Variants in CHST9 observed in about 807,000 individuals in gnomAD.
CHST9 encodes carbohydrate sulfotransferase 9.
CHST9 carries 41 observed loss-of-function variants against 44.4 expected under a neutral mutation model. The observed-to-expected ratio is 0.92, with a 90% CI of 0.72 to 1.20. The LOEUF is 1.20. Ranked by LOEUF, CHST9 falls within the 50% of genes most tolerant of loss-of-function variation. The pLI is 0.00. For synonymous variants in CHST9, 171 were observed against 178.4 expected, an observed-to-expected ratio of 0.96 and a Z score of 0.33; for missense variants, 504 against 516.5, an observed-to-expected ratio of 0.98 and a Z score of 0.23.
At chr18:27,079,190 T>C (rs913316607) in intron 2 of CHST9, among the ~76,000 whole-genome samples, 9 of 152,206 alleles carry the variant, frequency 5.9e-5, no homozygotes, top group African/African-American at 1.9e-4. Flanking sequence ...ATGGACTTTC[T>C]TCTTTGAAAA....
intron 1 of CHST9, among the ~76,000 whole-genome samples, chr18:27,158,956 G>A (rs2058721787): frequency 6.6e-6 from 1 of 152,148 alleles, no homozygotes; most frequent in Non-Finnish European, 1.5e-5. Context: ...TGATGGGGCT[G>A]TTTGTTTTTT....
intron 3 of CHST9, among the ~76,000 whole-genome samples, chr18:27,027,500 T>C (rs999969150): frequency 3.9e-5 from 6 of 152,234 alleles, no homozygotes; most frequent in Non-Finnish European, 8.8e-5. Context: ...GAAAGATTGA[T>C]TTGGTCTCAC....
chr18:27,122,366 G>A lies in CHST9; in HGVS notation c.121+20323C>T, dbSNP rs546728827. Among the ~76,000 whole-genome samples, 43 of 152,186 alleles carry A rather than the reference G, an allele frequency of 2.8e-4. No individual in the cohort carries two copies. In the South Asian group the frequency reaches 8.7e-3, roughly 31 times the overall value. Reference sequence around the variant, plus strand: ...TCTTACATTAAAGCTTTATAATATTGCATTCTATTGTGAGTAGACCTCTAT... The same window carrying A: ...TCTTACATTAAAGCTTTATAATATTACATTCTATTGTGAGTAGACCTCTAT... On this transcript the variant is annotated intron_variant, in intron 2 of 5. Coordinates refer to ENST00000618847, the MANE Select transcript of CHST9 (RefSeq NM_031422.6).
At chr18:27,061,185 C>T (rs1428363240) in intron 2 of CHST9, among the ~76,000 whole-genome samples, 3 of 152,086 alleles carry the variant, frequency 2.0e-5, no homozygotes, top group African/African-American at 4.8e-5. Flanking sequence ...GAACACACCC[C>T]AAGGATGAAG....
chr18:26,975,494 A>T (rs1318998566), intron 4 of CHST9, among the ~76,000 whole-genome samples: 3 of 151,744 alleles, frequency 2.0e-5, no homozygotes, highest in African/African-American at 7.3e-5. Context: ...TGCACACATT[A>T]TTTAGCTCCC....
chr18:27,180,041 T>C (rs1488224137), intron 1 of CHST9, among the ~76,000 whole-genome samples: 1 of 152,160 alleles, frequency 6.6e-6, no homozygotes, highest in Non-Finnish European at 1.5e-5. Context: ...TAAAATTTTC[T>C]CCACTCCAAG....
intron 2 of CHST9, among the ~76,000 whole-genome samples, chr18:27,067,198 G>A (rs896802277): frequency 6.6e-6 from 1 of 151,868 alleles, no homozygotes; most frequent in African/African-American, 2.4e-5. Context: ...TAACTTGGCT[G>A]GTAAACTGCA....
At chr18:27,029,213 G>A (rs1233711097) in intron 3 of CHST9, among the ~76,000 whole-genome samples, 1 of 152,118 alleles carries the variant, frequency 6.6e-6, no homozygotes, top group Non-Finnish European at 1.5e-5. Context: ...TTAGAAAAAA[G>A]ACAATTCTTG....
chr18:26,947,899 A>C (rs918113598), intron 4 of CHST9, among the ~76,000 whole-genome samples: 1 of 152,230 alleles, frequency 6.6e-6, no homozygotes, highest in African/African-American at 2.4e-5. Context: ...ATTACTGGAT[A>C]TATACCCAAA....
intron 2 of CHST9, among the ~76,000 whole-genome samples, chr18:27,091,826 T>G (rs1020110350): frequency 6.6e-6 from 1 of 152,236 alleles, no homozygotes; most frequent in South Asian, 2.1e-4. Flanking sequence ...AGCTTTTTGA[T>G]GTGCTGCTGG....
chr18:27,110,403 A>G (rs775202978), intron 2 of CHST9, among the ~76,000 whole-genome samples: 35 of 152,072 alleles, frequency 2.3e-4, no homozygotes, highest in Non-Finnish European at 7.4e-5. Context: ...TCTAACTCAA[A>G]CTGGCTAAAA....
At chr18:27,073,045 C>T (rs1297414804) in intron 2 of CHST9, among the ~76,000 whole-genome samples, 1 of 152,134 alleles carries the variant, frequency 6.6e-6, no homozygotes, top group African/African-American at 2.4e-5. Context: ...GGCTAAATCA[C>T]CAAGTGACTA....
Position 27,148,054 on chromosome 18 carries a change from T to C in CHST9, c.-96-5149A>G, listed in dbSNP as rs369142770. On this transcript the variant is annotated intron_variant, in intron 1 of 5. Transcript: ENST00000618847. The stretch of plus-strand genomic sequence containing the variant: ...TGATAGGCTCCAGTGTCTGCTGTTC[T>C]CCTCTATGTGTCCACATGTTCTCAT... Among the ~76,000 whole-genome samples, 63 of 152,118 alleles carry C rather than the reference T, an allele frequency of 4.1e-4. No homozygotes were observed. In the South Asian group the frequency reaches 0.012, roughly 30 times the overall value.
chr18:27,046,713 A>G (rs2057504913), intron 3 of CHST9, among the ~76,000 whole-genome samples: 1 of 152,054 alleles, frequency 6.6e-6, no homozygotes, highest in South Asian at 2.1e-4. Context: ...GAAAACTCAG[A>G]CTATTGTTAC....
chr18:27,103,787 T>A (rs1240526122), intron 2 of CHST9, among the ~76,000 whole-genome samples: 1 of 152,172 alleles, frequency 6.6e-6, no homozygotes, highest in African/African-American at 2.4e-5. Flanking sequence ...GGCAAGTAAT[T>A]AATTGTAATA....
intron 4 of CHST9, among the ~76,000 whole-genome samples, chr18:26,971,400 C>T (rs892585890): frequency 2.8e-4 from 43 of 152,320 alleles, no homozygotes; most frequent in Non-Finnish European, 5.6e-4. Flanking sequence ...GTGCACCTGG[C>T]ATTGTTGTCA....
At chr18:27,069,767 T>G (rs1453483638) in intron 2 of CHST9, among the ~76,000 whole-genome samples, 2 of 152,160 alleles carry the variant, frequency 1.3e-5, no homozygotes, top group Non-Finnish European at 2.9e-5. Flanking sequence ...TAAACAGATA[T>G]GTGAAAACCG....
intron 2 of CHST9, among the ~76,000 whole-genome samples, chr18:27,068,542 G>A (rs901668531): frequency 2.6e-5 from 4 of 152,150 alleles, no homozygotes; most frequent in African/African-American, 9.7e-5. Flanking sequence ...GTCCTTGGCT[G>A]TGGAAATTTT....
Position 26,918,175 on chromosome 18 carries a change from G to T in CHST9, c.241-825C>A, listed in dbSNP as rs150545492. Reference sequence around the variant, plus strand: ...CACAGTAAAAGAAGACATGGAAGACGGGATTTACAAGGTGGCATCCTCTGG... The same window carrying T: ...CACAGTAAAAGAAGACATGGAAGACTGGATTTACAAGGTGGCATCCTCTGG... On this transcript the variant is annotated intron_variant, in intron 5 of 5. Coordinates refer to ENST00000618847, the MANE Select transcript of CHST9 (RefSeq NM_031422.6). Among the ~76,000 whole-genome samples the T allele has an allele frequency of 3.7e-3, 563 of 152,140 alleles. 1 individual carries two copies. The highest frequency in any genetic ancestry group is 6.8e-3 in the Non-Finnish European group (459 of 67,990).
Sources: allele counts gnomAD v4.1 joint callset (sites outside exome capture counted in the v4.1 genomes callset), GRCh38; gene constraint gnomAD v4.1.1; transcripts MANE v1.5; gene names NCBI Gene and HGNC (gene_info 2026-07-23, HGNC 2026-07-21).